Variants in APOB observed in about 807,000 individuals in gnomAD.
APOB encodes the protein apolipoprotein B-100.
In APOB, 153 loss-of-function variants were observed where a neutral mutation model predicts 314.1. That is an observed-to-expected ratio of 0.49 (90% CI 0.43 to 0.56). The LOEUF (loss-of-function observed/expected upper bound fraction) is 0.56, where lower values mean the gene tolerates loss of function less well. APOB is among the 20% of genes least tolerant of loss of function. The pLI, the probability that APOB is intolerant of heterozygous loss-of-function variation, is 0.00. For missense variants in APOB, 5,430 were observed against 5,350.7 expected, an observed-to-expected ratio of 1.01 and a Z score of -0.46; for synonymous variants, 2,087 against 2,036.4, an observed-to-expected ratio of 1.02 and a Z score of -0.67.
intron 16 of APOB, chr2:21,024,274 A>G (rs1342932010): frequency 6.6e-6 from 1 of 152,586 alleles, no homozygotes; most frequent in Non-Finnish European, 1.5e-5. Context: ...ATAGTGAATT[A>G]TAGTTTGCCA....
Position 21,004,254 on chromosome 2 carries a change from T to C in APOB, c.12087+15A>G, listed in dbSNP as rs1358422590. On this transcript the variant is annotated intron_variant, in intron 28 of 28. Coordinates refer to ENST00000233242, the MANE Select transcript of APOB (RefSeq NM_000384.3). Reference sequence around the variant, plus strand: ...CTCGCTCTTGGGGGCGTGTCACTCATTAGGTGGTATTTACCTGAGGGCTGT... The same window carrying C: ...CTCGCTCTTGGGGGCGTGTCACTCACTAGGTGGTATTTACCTGAGGGCTGT... The C allele has an allele frequency of 2.5e-6, 4 of 1,613,510 alleles. No individual in the cohort carries two copies. Among genetic ancestry groups the C allele is most frequent in the Non-Finnish European group, 1.7e-6 (2 of 1,179,554 alleles).
rs772126283 is a variant in APOB, at chr2:21,033,370, C to A, written c.1053G>T (p.Leu351=). The part of the protein sequence containing the change: ...NIQRANLFNK[L]VTELRGLSDE... Reference sequence around the variant, plus strand: ...CACTGAGGCCTCTCAGCTCAGTAACCAGCTTATTGAAGAGATTAGCTCTCT... The same window carrying A: ...CACTGAGGCCTCTCAGCTCAGTAACAAGCTTATTGAAGAGATTAGCTCTCT... Residue 351 remains leucine, a synonymous_variant, in exon 9 of 29, where the codon CTG becomes CTT. Coordinates refer to ENST00000233242, the MANE Select transcript of APOB (RefSeq NM_000384.3). 8.7e-6 allele frequency: 14 copies of A among 1,614,048 alleles called. No homozygotes were observed. In the East Asian group the frequency reaches 1.8e-4, roughly 21 times the overall value.
In APOB at chr2:21,009,012, A is replaced by G; in HGVS notation, c.7856T>C (p.Val2619Ala). 1 of 1,613,978 alleles carries G rather than the reference A, an allele frequency of 6.2e-7. No individual in the cohort carries two copies. The highest frequency in any genetic ancestry group is 1.1e-5 in the South Asian group (1 of 91,072). Reference sequence around the variant, plus strand: ...TGGAATCCTCAAATCTGTTAGGGGGACTATAAAATCAGGTGTCTGGAAGGT... The same window carrying G: ...TGGAATCCTCAAATCTGTTAGGGGGGCTATAAAATCAGGTGTCTGGAAGGT... ...KATFQTPDFI[V>A]PLTDLRIPSV... is the part of the protein sequence containing the mutation. The change falls in exon 26 of 29, where the codon GTC becomes GCC. Residue 2619 changes from valine (V) to alanine (A), a missense_variant. Physicochemically the swap from Val to Ala is moderately conservative, Grantham distance 64. Around this residue, in one of 3 missense-constraint regions of APOB, gnomAD observed 3,281 missense variants for 3,171.0 expected, o/e 1.03. Transcript: ENST00000233242.
intron 13 of APOB, 119 bp downstream of exon 13, chr2:21,028,208 C>T (rs1663787148): frequency 1.8e-6 from 2 of 1,141,464 alleles, no homozygotes; most frequent in South Asian, 1.2e-5. Flanking sequence ...AGATCTGCTA[C>T]ACATTTGCAC....
rs767525908 is a variant in APOB, at chr2:21,023,031, T to A, written c.2616A>T (p.Glu872Asp). 2.5e-6 allele frequency: 4 copies of A among 1,614,022 alleles called. No homozygotes were observed. The highest frequency in any genetic ancestry group is 3.4e-6 in the Non-Finnish European group (4 of 1,180,028). ...VKLEVANMQA[E>D]LVAKPSVSVE... ...CAGACACGGAGGGTTTTGCCACCAG[T>A]TCAGCCTGCATCTATAAGTCAGAAA... is the stretch of plus-strand genomic sequence containing the variant. The change falls in exon 18 of 29, where the codon GAA becomes GAT. Residue 872 changes from glutamate to aspartate, a missense_variant. Around this residue, in one of 3 missense-constraint regions of APOB, gnomAD observed 2,085 missense variants for 2,079.7 expected, o/e 1.00. Transcript: ENST00000233242.
At position 21,008,035 on chromosome 2, in the gene APOB, G is replaced by C; in HGVS notation, c.8833C>G (p.Gln2945Glu). ...GGTCCTTCTATGGTGAAACTAATTT[G>C]TGATTCATGTGTTCCCTCATCTGAG... is the stretch of plus-strand genomic sequence containing the variant. ...RFSDEGTHES[Q>E]ISFTIEGPLT... Residue 2945 changes from glutamine to glutamate, a missense_variant, in exon 26 of 29, where the codon CAA (glutamine) becomes GAA (glutamate). By Grantham distance (29) the Gln-to-Glu change is conservative. Coordinates refer to ENST00000233242, the MANE Select transcript of APOB (RefSeq NM_000384.3). 1.9e-6 allele frequency: 3 copies of C among 1,614,126 alleles called. No homozygotes were observed. The highest frequency in any genetic ancestry group is 2.5e-6 in the Non-Finnish European group (3 of 1,179,976).
chr2:21,007,194 T>C lies in APOB; in HGVS notation c.9674A>G (p.Glu3225Gly). The C allele has an allele frequency of 1.2e-6, 2 of 1,613,940 alleles. No individual in the cohort carries two copies. The highest frequency in any genetic ancestry group is 1.7e-6 in the Non-Finnish European group (2 of 1,179,926). The change falls in exon 26 of 29, where the codon GAA becomes GGA. Residue 3225 changes from glutamate to glycine, a missense_variant. Around this residue, in one of 3 missense-constraint regions of APOB, gnomAD observed 3,281 missense variants for 3,171.0 expected, o/e 1.03. Coordinates refer to ENST00000233242, the MANE Select transcript of APOB (RefSeq NM_000384.3). Reference sequence around the variant, plus strand: ...GTACTTATCAAACTTAATTTTTGTTTCATTATAGGATTTGGTGACAAAATC... The same window carrying C: ...GTACTTATCAAACTTAATTTTTGTTCCATTATAGGATTTGGTGACAAAATC... ...ALDFVTKSYN[E>G]TKIKFDKYKA...
chr2:21,027,077 G>T (rs534118091), intron 14 of APOB, 113 bp from the exon 15 acceptor site: 7 of 942,204 alleles, frequency 7.4e-6, no homozygotes, highest in Non-Finnish European at 1.2e-5. Context: ...AATACCACAG[G>T]CCAGGAGCTG....
chr2:21,008,592 T>C lies in APOB; in HGVS notation c.8276A>G (p.Tyr2759Cys), dbSNP rs370153092. 7 of 1,614,006 alleles carry C rather than the reference T, an allele frequency of 4.3e-6. No individual in the cohort carries two copies. Among genetic ancestry groups the C allele is most frequent in the Non-Finnish European group, 5.9e-6 (7 of 1,179,984 alleles). ...AGGAGATTGGATTTTCAGAATACTG[T>C]ATAGCTTGCCAAAAGTAGGTACTTC... ...TIEVPTFGKL[Y>C]SILKIQSPLF... is the part of the protein sequence containing the mutation. The change falls in exon 26 of 29, where the codon TAC becomes TGC. Residue 2759 changes from tyrosine to cysteine, a missense_variant. Physicochemically the swap from Tyr to Cys is radical, Grantham distance 194. Around this residue, in one of 3 missense-constraint regions of APOB, gnomAD observed 3,281 missense variants for 3,171.0 expected, o/e 1.03. Transcript: ENST00000233242.
rs148498577 is a variant in APOB, at chr2:21,008,318, A to C, written c.8550T>G (p.Ile2850Met). ...GSEMLFFGNA[I>M]EGKSNTVASL... ...TTGCCACTGTGTTTGATTTTCCCTC[A>C]ATAGCATTTCCAAAAAACAGCATTT... Residue 2850 changes from isoleucine to methionine, a missense_variant, in exon 26 of 29, where the codon ATT (isoleucine) becomes ATG (methionine). Ile to Met is a conservative substitution (Grantham distance 10). Transcript: ENST00000233242. 3.3e-4 allele frequency: 535 copies of C among 1,612,956 alleles called. 1 individual carries two copies. The highest frequency in any genetic ancestry group is 4.2e-4 in the Non-Finnish European group (500 of 1,179,246).
rs200708197 is a variant in APOB at position 21,012,570 on chromosome 2, G to A, written c.4298C>T (p.Ser1433Leu). 57 of 1,613,794 alleles carry A rather than the reference G, an allele frequency of 3.5e-5. No individual in the cohort carries two copies. Among genetic ancestry groups the A allele is most frequent in the Middle Eastern group, 1.6e-4 (1 of 6,084 alleles). The change falls in exon 26 of 29, where the codon TCG becomes TTG. Residue 1433 changes from serine to leucine, a missense_variant. Ser to Leu is a moderately radical substitution (Grantham distance 145, BLOSUM62 -2). Around this residue, in one of 3 missense-constraint regions of APOB, gnomAD observed 2,085 missense variants for 2,079.7 expected, o/e 1.00. Transcript: ENST00000233242. ...TTCTACATGACTGAATTTGATATTC[G>A]AATCTAGAAATTTGTGGCGTAGAGA... ...DGSLRHKFLD[S>L]NIKFSHVEKL...
intron 18 of APOB, among the ~76,000 whole-genome samples, chr2:21,020,633 C>T (rs1387147894): frequency 6.6e-6 from 1 of 152,254 alleles, no homozygotes; most frequent in Non-Finnish European, 1.5e-5. Context: ...TGGCACCTTC[C>T]TTCCAAGTGT....
Position 21,028,372 on chromosome 2 carries a change from G to A in APOB, c.1784C>T (p.Ser595Phe), listed in dbSNP as rs1047759477. The change falls in exon 13 of 29, where the codon TCC becomes TTC. Residue 595 changes from serine to phenylalanine, a missense_variant. Coordinates refer to ENST00000233242, the MANE Select transcript of APOB (RefSeq NM_000384.3). ...QNEQVKNFVA[S>F]HIANILNSEE... Reference sequence around the variant, plus strand: ...TGAGTTCAAGATATTGGCAATATGGGAAGCCACAAAGTTCTTCACTTGCTC... The same window carrying A: ...TGAGTTCAAGATATTGGCAATATGGAAAGCCACAAAGTTCTTCACTTGCTC... 1.9e-6 allele frequency: 3 copies of A among 1,614,178 alleles called. No homozygotes were observed. The highest frequency in any genetic ancestry group is 2.5e-6 in the Non-Finnish European group (3 of 1,180,012).
Position 21,032,601 on chromosome 2 carries a change from TAA to T in APOB, c.1125-22_1125-21del. 1.2e-6 allele frequency: 2 copies of T among 1,600,068 alleles called. No homozygotes were observed. The highest frequency in any genetic ancestry group is 2.2e-5 in the South Asian group (2 of 90,658). On this transcript the variant is annotated intron_variant, in intron 9 of 28. Transcript: ENST00000233242. ...ATGGGGCTGAGAAGAAAGACATGGA[TAA>T]AGTTATACAGACCACCTTCAGGGCA...
Position 21,033,532 on chromosome 2 carries a change from A to T in APOB, c.905-14T>A. 2 of 1,605,006 alleles carry T rather than the reference A, an allele frequency of 1.2e-6. No homozygotes were observed. Among genetic ancestry groups the T allele is most frequent in the Non-Finnish European group, 1.7e-6 (2 of 1,171,710 alleles). ...TCTTCTTAGTACCTGGAAGATGGAA[A>T]GTGTCAAAGGAACTCTAGCTTTCTT... On this transcript the variant is annotated splice_polypyrimidine_tract_variant and intron_variant, in intron 8 of 28. Coordinates refer to ENST00000233242, the MANE Select transcript of APOB (RefSeq NM_000384.3).
Position 21,007,646 on chromosome 2 carries a change from A to G in APOB, c.9222T>C (p.Tyr3074=), listed in dbSNP as rs368896825. 4.3e-6 allele frequency: 7 copies of G among 1,614,012 alleles called. No individual in the cohort carries two copies. Among genetic ancestry groups the G allele is most frequent in the Non-Finnish European group, 5.9e-6 (7 of 1,179,980 alleles). ...GGGCACTGGGACTCAGAAACAGTGC[A>G]TAGTTATTCAGGAAGTCTATCTTCC... The part of the protein sequence containing the change: ...LTGKIDFLNN[Y]ALFLSPSAQQ... The change falls in exon 26 of 29, where the codon TAT becomes TAC. Residue 3074 remains tyrosine, a synonymous_variant. Coordinates refer to ENST00000233242, the MANE Select transcript of APOB (RefSeq NM_000384.3).
In APOB at chr2:21,010,393, C is replaced by A. The variant is rs760562927; in HGVS notation, c.6475G>T (p.Ala2159Ser). ...YRITENDIQI[A>S]LDDAKINFNE... is the part of the protein sequence containing the mutation. Reference sequence around the variant, plus strand: ...AAGTTGATTTTGGCATCATCTAATGCAATTTGTATATCATTTTCTGTAATT... The same window carrying A: ...AAGTTGATTTTGGCATCATCTAATGAAATTTGTATATCATTTTCTGTAATT... The change falls in exon 26 of 29, where the codon GCA becomes TCA. Residue 2159 changes from alanine (A) to serine (S), a missense_variant. Coordinates refer to ENST00000233242, the MANE Select transcript of APOB (RefSeq NM_000384.3). 2 of 1,591,440 alleles carry A rather than the reference C, an allele frequency of 1.3e-6. No individual in the cohort carries two copies. The highest frequency in any genetic ancestry group is 8.6e-7 in the Non-Finnish European group (1 of 1,167,254).
chr2:21,002,519 G>T lies in APOB; in HGVS notation c.12903C>A (p.Asp4301Glu). Residue 4301 changes from aspartate (D) to glutamate (E), a missense_variant, in exon 29 of 29, where the codon GAC (aspartate) becomes GAA (glutamate). By Grantham distance (45) the Asp-to-Glu change is conservative (BLOSUM62 2). This residue lies in a region of APOB where 3,281 missense variants were observed against 3,171.0 expected (regional missense o/e 1.03). Coordinates refer to ENST00000233242, the MANE Select transcript of APOB (RefSeq NM_000384.3). ...TTAGTTGGAAAATGAATTGTAAAAG[G>T]TCCTGAAGATTACGTAGCACCTCTG... ...KTTEVLRNLQ[D>E]LLQFIFQLIE... 1 of 1,613,328 alleles carries T rather than the reference G, an allele frequency of 6.2e-7. No homozygotes were observed. The highest frequency in any genetic ancestry group is 8.5e-7 in the Non-Finnish European group (1 of 1,179,464).
In APOB at chr2:21,023,615, G is replaced by T; in HGVS notation, c.2514C>A (p.Leu838=). The change falls in exon 17 of 29, where the codon CTC becomes CTA. Residue 838 remains leucine (L), a synonymous_variant. Transcript: ENST00000233242. ...HYIFMENAFE[L]PTGAGLQLQI... ...GCAACTGTAATCCAGCTCCAGTGGG[G>T]AGTTCAAAGGCATTCTCCATGAAGA... The T allele has an allele frequency of 6.2e-7, 1 of 1,614,172 alleles. No individual in the cohort carries two copies. Among genetic ancestry groups the T allele is most frequent in the South Asian group, 1.1e-5 (1 of 91,080 alleles).
Sources: gnomAD v4.1 joint callset for allele counts (sites outside exome capture counted in the v4.1 genomes callset) on GRCh38, gnomAD v4.1.1 for gene constraint, gnomAD v4.1.1 regional missense constraint, MANE v1.5 for transcripts, NCBI Gene and HGNC (gene_info 2026-07-23, HGNC 2026-07-21) for gene names.